PRR14L: variants seen among roughly 807,000 people sequenced by gnomAD.
PRR14L encodes proline rich 14 like, also known as protein PRR14L.
Under a neutral mutation model 155.0 loss-of-function variants are expected in PRR14L, and 80 were observed. That is an observed-to-expected ratio of 0.52 (90% CI 0.43 to 0.62). The LOEUF (loss-of-function observed/expected upper bound fraction) is 0.62, where lower values mean the gene tolerates loss of function less well. Ranked by LOEUF, PRR14L falls within the 20% of genes least tolerant of loss-of-function variation. PRR14L has a pLI of 0.00. For missense variants in PRR14L, 2,469 were observed against 2,548.0 expected, an observed-to-expected ratio of 0.97 and a Z score of 0.67; for synonymous variants, 883 against 916.0, an observed-to-expected ratio of 0.96 and a Z score of 0.65.
At chr22:31,699,003 C>T (rs184008933) in intron 7 of PRR14L, among the ~76,000 whole-genome samples, 1 of 152,110 alleles carries the variant, frequency 6.6e-6, no homozygotes, top group East Asian at 1.9e-4. Flanking sequence ...TACCATACTC[C>T]TCACTTCAAA....
At chr22:31,710,369 G>T (rs2074614256) in intron 4 of PRR14L, among the ~76,000 whole-genome samples, 1 of 152,166 alleles carries the variant, frequency 6.6e-6, no homozygotes, top group Non-Finnish European at 1.5e-5. Flanking sequence ...TACAGCAATA[G>T]TAAGGGCAAA....
intron 4 of PRR14L, among the ~76,000 whole-genome samples, chr22:31,709,681 C>T (rs1364804912): frequency 6.6e-6 from 1 of 151,664 alleles, no homozygotes; most frequent in Non-Finnish European, 1.5e-5. Flanking sequence ...GCTGGGACTA[C>T]AGGTGTGTGC....
intron 2 of PRR14L, among the ~76,000 whole-genome samples, chr22:31,728,660 CA>C (rs1436617003): frequency 7.9e-6 from 1 of 127,132 alleles, no homozygotes; most frequent in East Asian, 2.3e-4. Context: ...AGTTAAAAGA[CA>C]ATTCAGATTG....
Position 31,714,275 on chromosome 22 carries a change from T to C in PRR14L, c.3564A>G (p.Thr1188=), listed in dbSNP as rs2074641216. 1 of 1,551,604 alleles carries C rather than the reference T, an allele frequency of 6.4e-7. No homozygotes were observed. The highest frequency in any genetic ancestry group is 1.2e-5 in the South Asian group (1 of 83,924). ...DSHYGQQDKG[T]SLRETQEMTE... is the part of the protein sequence containing the mutation. Reference sequence around the variant, plus strand: ...TCATTTCTTGTGTTTCTCTGAGAGATGTTCCTTTATCTTGCTGTCCATAAT... The same window carrying C: ...TCATTTCTTGTGTTTCTCTGAGAGACGTTCCTTTATCTTGCTGTCCATAAT... The change falls in exon 4 of 9, where the codon ACA becomes ACG. Residue 1188 remains threonine, a synonymous_variant. Coordinates refer to ENST00000327423, the MANE Select transcript of PRR14L (RefSeq NM_173566.3).
At chr22:31,733,480 T>A (rs960886056) in intron 2 of PRR14L, among the ~76,000 whole-genome samples, 1 of 151,752 alleles carries the variant, frequency 6.6e-6, no homozygotes, top group Non-Finnish European at 1.5e-5. Flanking sequence ...GATTTCTGTA[T>A]TTTTAGTAGA....
intron 2 of PRR14L, 98 bp downstream of exon 2, chr22:31,738,289 C>CAAG: frequency 9.6e-7 from 1 of 1,040,194 alleles, no homozygotes; most frequent in Non-Finnish European, 1.4e-6. Flanking sequence ...GGAAATGTTT[C>CAAG]AAGAATAAAT....
chr22:31,692,784 G>C (rs533850518), intron 7 of PRR14L, among the ~76,000 whole-genome samples: 2 of 152,206 alleles, frequency 1.3e-5, no homozygotes, highest in East Asian at 3.9e-4. Flanking sequence ...GAGACTACAG[G>C]AGTGTGCCAC....
At chr22:31,709,373 C>T (rs2074608570) in intron 4 of PRR14L, among the ~76,000 whole-genome samples, 1 of 151,596 alleles carries the variant, frequency 6.6e-6, no homozygotes, top group Non-Finnish European at 1.5e-5. Flanking sequence ...CTGACTCAGC[C>T]TCTGAGTAGC....
chr22:31,723,652 G>A (rs2074702181), intron 3 of PRR14L, among the ~76,000 whole-genome samples: 2 of 152,166 alleles, frequency 1.3e-5, no homozygotes, highest in African/African-American at 2.4e-5. Context: ...ATCTTCGGAG[G>A]AATGTCCTTT....
chr22:31,743,820 C>G (rs967223233), intron 1 of PRR14L, among the ~76,000 whole-genome samples: 1 of 150,210 alleles, frequency 6.7e-6, no homozygotes, highest in African/African-American at 2.4e-5. Flanking sequence ...AAAAAAAGAA[C>G]CTGACCTTGA....
In PRR14L at chr22:31,712,128, TGAAGA is replaced by T. The variant is rs748186058; in HGVS notation, c.5706_5710del (p.Leu1903PhefsTer32). The T allele has an allele frequency of 1.2e-6, 2 of 1,613,782 alleles. No homozygotes were observed. The highest frequency in any genetic ancestry group is 2.2e-5 in the East Asian group (1 of 44,868). Reference sequence around the variant, plus strand: ...TGGTTGCCGCTTGCAGTGAGGGGAATGAAGAGAAGAGATTTCGAAGGAGCAGACAG... The same window carrying T: ...TGGTTGCCGCTTGCAGTGAGGGGAATGAAGAGATTTCGAAGGAGCAGACAG... On this transcript the variant is annotated frameshift_variant, in exon 4 of 9. Coordinates refer to ENST00000327423, the MANE Select transcript of PRR14L (RefSeq NM_173566.3). LOFTEE classifies it high-confidence loss of function.
At chr22:31,703,790 C>T in intron 5 of PRR14L, 69 bp from the exon 6 acceptor site, 3 of 880,736 alleles carry the variant, frequency 3.4e-6, no homozygotes, top group South Asian at 2.5e-5. Context: ...TCAACTTCTT[C>T]TTCTTCATTT....
At chr22:31,717,677 T>G (rs562133565) in intron 3 of PRR14L, among the ~76,000 whole-genome samples, 1 of 152,358 alleles carries the variant, frequency 6.6e-6, no homozygotes, top group Admixed American at 6.5e-5. Flanking sequence ...TAGATGACCA[T>G]GTTCTCAGTA....
At chr22:31,703,991 T>G (rs1195500053) in intron 5 of PRR14L, among the ~76,000 whole-genome samples, 2 of 151,530 alleles carry the variant, frequency 1.3e-5, no homozygotes, top group Middle Eastern at 3.2e-3. Flanking sequence ...GAGACGGAGT[T>G]TCTCCATGTT....
At chr22:31,736,286 T>A (rs1307746815) in intron 2 of PRR14L, among the ~76,000 whole-genome samples, 3 of 149,492 alleles carry the variant, frequency 2.0e-5, no homozygotes, top group Non-Finnish European at 4.4e-5. Flanking sequence ...CTCGGGAGGC[T>A]GAAGCAGGAG....
intron 7 of PRR14L, 132 bp downstream of exon 7, chr22:31,701,520 CTAAT>C (rs1169512893): frequency 1.1e-5 from 6 of 564,486 alleles, no homozygotes; most frequent in South Asian, 5.2e-5. Flanking sequence ...AGCGACATTA[CTAAT>C]TAATTCTTTA....
chr22:31,716,647 T>G lies in PRR14L; in HGVS notation c.1192A>C (p.Asn398His). 1 of 1,552,086 alleles carries G rather than the reference T, an allele frequency of 6.4e-7. No homozygotes were observed. Among genetic ancestry groups the G allele is most frequent in the Non-Finnish European group, 8.7e-7 (1 of 1,147,098 alleles). The change falls in exon 4 of 9, where the codon AAT becomes CAT. Residue 398 changes from asparagine (N) to histidine (H), a missense_variant. Asn to His is a moderately conservative substitution (Grantham distance 68). This residue lies in a region of PRR14L where 2,363 missense variants were observed against 2,371.6 expected (regional missense o/e 1.00). Coordinates refer to ENST00000327423, the MANE Select transcript of PRR14L (RefSeq NM_173566.3). ...QGKNLASREE[N>H]EERLLIPRSE... ...CTAGGAATCAAAAGCCGTTCCTCATTTTCTTCTCTAGAAGCCAAGTTCTTC... is the reference window on the plus strand; with the variant it reads ...CTAGGAATCAAAAGCCGTTCCTCATGTTCTTCTCTAGAAGCCAAGTTCTTC...
chr22:31,704,755 T>C (rs368914727), intron 4 of PRR14L, 29 bp from the exon 5 acceptor site: 35 of 1,573,028 alleles, frequency 2.2e-5, no homozygotes, highest in Middle Eastern at 3.3e-4. Flanking sequence ...ACAAAAGCAA[T>C]AGGTAAGGGC....
At chr22:31,729,110 G>C (rs965567225) in intron 2 of PRR14L, among the ~76,000 whole-genome samples, 9 of 152,206 alleles carry the variant, frequency 5.9e-5, no homozygotes, top group Admixed American at 2.0e-4. Flanking sequence ...TCACAATTCA[G>C]CTTGGCTCTT....
Sources: gnomAD v4.1 joint callset for allele counts (sites outside exome capture counted in the v4.1 genomes callset) on GRCh38, gnomAD v4.1.1 for gene constraint, gnomAD v4.1.1 regional missense constraint, MANE v1.5 for transcripts, NCBI Gene and HGNC (gene_info 2026-07-23, HGNC 2026-07-21) for gene names.